The following MYO3B variants were observed in gnomAD, a reference collection of about 807,000 sequenced individuals.
MYO3B encodes the protein myosin-IIIb.
MYO3B carries 156 observed loss-of-function variants against 174.6 expected under a neutral mutation model. The ratio of observed to expected loss-of-function variants is 0.89; its 90% confidence interval spans 0.78 to 1.02. The LOEUF (loss-of-function observed/expected upper bound fraction) is 1.02. Ranked by LOEUF, MYO3B falls within the 50% of genes least tolerant of loss-of-function variation. MYO3B has a pLI of 0.00. For synonymous variants in MYO3B, 563 were observed against 569.1 expected (o/e 0.99, Z 0.15); for missense variants, 1,632 against 1,639.4 (o/e 1.00, Z 0.08).
At chr2:170,272,922 C>A (rs1405680715) in intron 7 of MYO3B, among the ~76,000 whole-genome samples, 2 of 152,094 alleles carry the variant, frequency 1.3e-5, no homozygotes, top group African/African-American at 4.8e-5. Flanking sequence ...TTGTGGATAC[C>A]AATGTCTGGA....
At chr2:170,317,254 A>G (rs904470511) in intron 7 of MYO3B, among the ~76,000 whole-genome samples, 1 of 151,884 alleles carries the variant, frequency 6.6e-6, no homozygotes, top group African/African-American at 2.4e-5. Flanking sequence ...TTGGTTTGTG[A>G]CTTTGATTTA....
At position 170,543,897 on chromosome 2, in the gene MYO3B, G is replaced by A. The variant is rs748282949; in HGVS notation, c.3642G>A (p.Ser1214=). The change falls in exon 32 of 35, where the codon TCG becomes TCA. Residue 1214 remains serine (S), a synonymous_variant. Transcript: ENST00000408978. The part of the protein sequence containing the change: ...DIFAGHANKH[S]VSGTDLLSSR... ...CTTACTGGGTTTTTCTGAAGCACTC[G>A]GTTTCTGGGACTGATTTGCTGTCTT... The A allele has an allele frequency of 4.9e-5, 79 of 1,612,262 alleles. No homozygotes were observed. Among genetic ancestry groups the A allele is most frequent in the Admixed American group, 8.3e-5 (5 of 59,940 alleles).
At chr2:170,455,932 A>G (rs1335796352) in intron 23 of MYO3B, among the ~76,000 whole-genome samples, 1 of 152,190 alleles carries the variant, frequency 6.6e-6, no homozygotes, top group African/African-American at 2.4e-5. Context: ...TATGGCTTCT[A>G]TTGATCATTT....
chr2:170,650,011 G>GTGAT (rs1400749134), intron 32 of MYO3B: 1 of 139,430 alleles, frequency 7.2e-6, no homozygotes, highest in African/African-American at 2.6e-5. Flanking sequence ...ATGGATGGAT[G>GTGAT]TGATAGTCTT....
At chr2:170,199,938 G>T (rs2092642777) in intron 2 of MYO3B, among the ~76,000 whole-genome samples, 1 of 152,104 alleles carries the variant, frequency 6.6e-6, no homozygotes, top group South Asian at 2.1e-4. Context: ...AATAATAGAA[G>T]GTGTAGGTTG....
intron 8 of MYO3B, among the ~76,000 whole-genome samples, chr2:170,365,125 C>T (rs896449336): frequency 4.6e-5 from 7 of 152,104 alleles, no homozygotes; most frequent in African/African-American, 1.2e-4. Context: ...TCCCTCTGGC[C>T]GCGAAGTATT....
intron 21 of MYO3B, among the ~76,000 whole-genome samples, chr2:170,406,923 G>A (rs1185431034): frequency 2.0e-5 from 3 of 152,138 alleles, no homozygotes; most frequent in Non-Finnish European, 4.4e-5. Context: ...TAGGGAGGCA[G>A]TGAGAGTACT....
rs564519273 is a variant in MYO3B, at chr2:170,380,910, G to T, written c.972-1106G>T. On this transcript the variant is annotated intron_variant, in intron 9 of 34. Coordinates refer to ENST00000408978, the MANE Select transcript of MYO3B (RefSeq NM_138995.5). Reference sequence around the variant, plus strand: ...GTGGCAGGATCACTTGAAGCCAGAAGTTTGAGATTAGCCTGGACAACAAAG... The same window carrying T: ...GTGGCAGGATCACTTGAAGCCAGAATTTTGAGATTAGCCTGGACAACAAAG... Among the ~76,000 whole-genome samples the T allele has an allele frequency of 1.8e-3, 272 of 152,254 alleles. 1 individual carries two copies. In the Middle Eastern group the frequency reaches 0.02, roughly 11 times the overall value.
chr2:170,454,395 C>G (rs1683790169), intron 23 of MYO3B, among the ~76,000 whole-genome samples: 1 of 152,130 alleles, frequency 6.6e-6, no homozygotes, highest in Non-Finnish European at 1.5e-5. Flanking sequence ...AGAGACACAC[C>G]CTGCAATACG....
chr2:170,242,888 T>C (rs2105313483), intron 7 of MYO3B, among the ~76,000 whole-genome samples: 1 of 152,262 alleles, frequency 6.6e-6, no homozygotes, highest in African/African-American at 2.4e-5. Flanking sequence ...CCTGGTTTCC[T>C]CTCTACTCCA....
intron 22 of MYO3B, among the ~76,000 whole-genome samples, chr2:170,426,222 A>C (rs1340851820): frequency 1.3e-5 from 2 of 151,806 alleles, no homozygotes; most frequent in Non-Finnish European, 2.9e-5. Context: ...GCCTGTAATC[A>C]CAGCTACTCA....
At chr2:170,498,876 G>GAGGA (rs1288731457) in intron 26 of MYO3B, among the ~76,000 whole-genome samples, 173 bp downstream of exon 26, 3 of 152,206 alleles carry the variant, frequency 2.0e-5, no homozygotes, top group African/African-American at 7.2e-5. Flanking sequence ...GGGAGTAGAG[G>GAGGA]AGGAGGGTTT....
chr2:170,420,000 T>C (rs1463413360), intron 22 of MYO3B, among the ~76,000 whole-genome samples: 1 of 152,090 alleles, frequency 6.6e-6, no homozygotes, highest in East Asian at 1.9e-4. Flanking sequence ...CTGGCCAACA[T>C]GGTGAAACCC....
chr2:170,626,314 T>G (rs1696426399), intron 32 of MYO3B, among the ~76,000 whole-genome samples: 1 of 152,214 alleles, frequency 6.6e-6, no homozygotes, highest in African/African-American at 2.4e-5. Context: ...TGTAATGGCC[T>G]TCTTTATCTC....
intron 7 of MYO3B, among the ~76,000 whole-genome samples, chr2:170,285,348 A>C (rs779175373): frequency 6.7e-6 from 1 of 149,118 alleles, no homozygotes; most frequent in Non-Finnish European, 1.5e-5. Flanking sequence ...TATGTGTTGC[A>C]AATATCTTCT....
intron 1 of MYO3B, among the ~76,000 whole-genome samples, chr2:170,186,792 C>A (rs1239310293): frequency 6.6e-6 from 1 of 152,008 alleles, no homozygotes; most frequent in Non-Finnish European, 1.5e-5. Flanking sequence ...TGGCTTTGAT[C>A]TCTTTATTTG....
At chr2:170,495,728 A>T (rs1053979002) in intron 25 of MYO3B, among the ~76,000 whole-genome samples, 1 of 152,226 alleles carries the variant, frequency 6.6e-6, no homozygotes, top group Non-Finnish European at 1.5e-5. Context: ...AACACTGAGC[A>T]TTCACCATAA....
At chr2:170,365,530 A>G (rs989252342) in intron 8 of MYO3B, among the ~76,000 whole-genome samples, 1 of 152,164 alleles carries the variant, frequency 6.6e-6, no homozygotes, top group Admixed American at 6.5e-5. Flanking sequence ...ATATCCAGTA[A>G]CGCAGGACTT....
At chr2:170,625,954 GA>G (rs1432190581) in intron 32 of MYO3B, among the ~76,000 whole-genome samples, 1 of 152,178 alleles carries the variant, frequency 6.6e-6, no homozygotes, top group Non-Finnish European at 1.5e-5. Context: ...TACCTCTGCT[GA>G]GGAGTGCTTT....
Sources: allele counts gnomAD v4.1 joint callset (sites outside exome capture counted in the v4.1 genomes callset), GRCh38; gene constraint gnomAD v4.1.1; transcripts MANE v1.5; gene names NCBI Gene and HGNC (gene_info 2026-07-23, HGNC 2026-07-21).